FMO4: variants seen among roughly 807,000 people sequenced by gnomAD.
FMO4 encodes flavin containing dimethylaniline monoxygenase 4.
FMO4 carries 38 observed loss-of-function variants against 43.3 expected under a neutral mutation model. That is an observed-to-expected ratio of 0.88 (90% CI 0.68 to 1.15). The LOEUF (loss-of-function observed/expected upper bound fraction) is 1.15. FMO4 is among the 50% of genes most tolerant of loss of function. The probability of loss-of-function intolerance (pLI) is 0.00; values close to 1 mark genes in which losing one functional copy is unlikely to be tolerated. For missense variants in FMO4, 631 were observed against 663.3 expected (o/e 0.95, Z 0.54); for synonymous variants, 224 against 232.2 (o/e 0.96, Z 0.32).
At chr1:171,334,350 C>A in intron 7 of FMO4, 61 bp from the exon 8 acceptor site, 1 of 1,071,054 alleles carries the variant, frequency 9.3e-7, no homozygotes, top group South Asian at 1.6e-5. Flanking sequence ...CTAAGTAAAT[C>A]ATTTGCTGAA....
intron 5 of FMO4, among the ~76,000 whole-genome samples, chr1:171,326,928 T>G (rs45458993): frequency 0.044 from 6,678 of 152,298 alleles, 463 homozygotes; most frequent in African/African-American, 0.15. Context: ...TTATCAAATA[T>G]ATTTCTTTTT....
chr1:171,339,110 T>A (rs1663247131), intron 9 of FMO4, among the ~76,000 whole-genome samples: 1 of 152,172 alleles, frequency 6.6e-6, no homozygotes, highest in Admixed American at 6.5e-5. Context: ...TATGCTCATA[T>A]CTGTGGAAAG....
At chr1:171,318,385 T>C (rs899939716) in intron 2 of FMO4, among the ~76,000 whole-genome samples, 3 of 151,874 alleles carry the variant, frequency 2.0e-5, no homozygotes, top group African/African-American at 7.3e-5. Flanking sequence ...ACATGGTGGC[T>C]CACTCCTGTA....
At chr1:171,322,925 C>A in intron 3 of FMO4, 79 bp from the exon 4 acceptor site, 1 of 1,041,132 alleles carries the variant, frequency 9.6e-7, no homozygotes, top group Non-Finnish European at 1.5e-6. Flanking sequence ...CTCAGTGAGG[C>A]TAGCATGAGC....
intron 6 of FMO4, among the ~76,000 whole-genome samples, chr1:171,332,178 T>C (rs1662928020): frequency 6.6e-6 from 1 of 152,216 alleles, no homozygotes; most frequent in Non-Finnish European, 1.5e-5. Context: ...TTTTCTTGAA[T>C]GTTTCTAAGT....
intron 9 of FMO4, among the ~76,000 whole-genome samples, chr1:171,340,772 C>T (rs989145664): frequency 6.6e-6 from 1 of 152,112 alleles, no homozygotes; most frequent in Non-Finnish European, 1.5e-5. Context: ...TGAGCATTCG[C>T]TGTACACTTT....
Position 171,341,484 on chromosome 1 carries a change from T to C in FMO4, c.1322T>C (p.Ile441Thr), listed in dbSNP as rs1663368951. ...IAYMDDIAAC[I>T]GTKPSIPLLF... ...TACATGGATGATATCGCTGCCTGCATAGGCACAAAGCCCAGCATCCCACTT... is the reference window on the plus strand; with the variant it reads ...TACATGGATGATATCGCTGCCTGCACAGGCACAAAGCCCAGCATCCCACTT... The change falls in exon 10 of 10, where the codon ATA becomes ACA. Residue 441 changes from isoleucine (I) to threonine (T), a missense_variant. Coordinates refer to ENST00000367749, the MANE Select transcript of FMO4 (RefSeq NM_002022.3). 2 of 1,613,824 alleles carry C rather than the reference T, an allele frequency of 1.2e-6. No individual in the cohort carries two copies. The highest frequency in any genetic ancestry group is 1.1e-5 in the South Asian group (1 of 91,086).
At chr1:171,329,586 G>A (rs544028283) in intron 5 of FMO4, among the ~76,000 whole-genome samples, 7 of 152,282 alleles carry the variant, frequency 4.6e-5, no homozygotes, top group Admixed American at 3.3e-4. Context: ...TCCCAGTCAC[G>A]GCCTTACAAG....
chr1:171,321,947 A>C (rs945385404), intron 3 of FMO4, among the ~76,000 whole-genome samples: 1 of 152,230 alleles, frequency 6.6e-6, no homozygotes, highest in Non-Finnish European at 1.5e-5. Context: ...GTGACAGCTA[A>C]GAAAGAGGCT....
chr1:171,337,242 A>T (rs965576734), intron 8 of FMO4, 114 bp from the exon 9 acceptor site: 2 of 755,614 alleles, frequency 2.6e-6, no homozygotes, highest in African/African-American at 3.5e-5. Flanking sequence ...CTGAGCTTTG[A>T]CTATCATGTG....
intron 9 of FMO4, among the ~76,000 whole-genome samples, chr1:171,337,936 C>T (rs1663186774): frequency 6.6e-6 from 1 of 152,192 alleles, no homozygotes; most frequent in South Asian, 2.1e-4. Context: ...GAACTTCAGA[C>T]TCCTAATTCC....
chr1:171,340,457 T>TA (rs780639935), intron 9 of FMO4, among the ~76,000 whole-genome samples: 17 of 152,208 alleles, frequency 1.1e-4, no homozygotes, highest in Non-Finnish European at 2.1e-4. Flanking sequence ...GTGCGCCTGT[T>TA]AGAGTCGTCA....
intron 5 of FMO4, among the ~76,000 whole-genome samples, chr1:171,330,621 G>A (rs769089388): frequency 1.6e-4 from 24 of 152,216 alleles, no homozygotes; most frequent in Admixed American, 3.9e-4. Context: ...ATCATATCTC[G>A]TGAGACTTAT....
chr1:171,323,192 G>A lies in FMO4; in HGVS notation c.321G>A (p.Lys107=), dbSNP rs1001797717. The A allele has an allele frequency of 1.2e-6, 2 of 1,607,866 alleles. No individual in the cohort carries two copies. Among genetic ancestry groups the A allele is most frequent in the Non-Finnish European group, 1.7e-6 (2 of 1,175,574 alleles). Residue 107 remains lysine, a splice_region_variant and synonymous_variant, in exon 4 of 10, where the codon AAG becomes AAA. Coordinates refer to ENST00000367749, the MANE Select transcript of FMO4 (RefSeq NM_002022.3). ...ACCTCCTGAAATACATTCAGTTTAA[G>A]GTAAGATACTTTGGGTTATGGAAGA... is the stretch of plus-strand genomic sequence containing the variant. ...HFDLLKYIQF[K]TTVCSITKRP... is the part of the protein sequence containing the mutation.
intron 5 of FMO4, among the ~76,000 whole-genome samples, chr1:171,328,507 G>A (rs552159663): frequency 1.8e-4 from 28 of 152,140 alleles, no homozygotes; most frequent in Admixed American, 4.6e-4. Flanking sequence ...AAAATTATCC[G>A]GGCATGGTGG....
In FMO4 at chr1:171,324,130, A is replaced by G; in HGVS notation, c.322-8A>G. Reference sequence around the variant, plus strand: ...AGTGAGAAGTGAGTGTTTGTCTTTCACTTTTAGACCACTGTGTGCAGCATA... The same window carrying G: ...AGTGAGAAGTGAGTGTTTGTCTTTCGCTTTTAGACCACTGTGTGCAGCATA... On this transcript the variant is annotated splice_polypyrimidine_tract_variant and splice_region_variant and intron_variant, in intron 4 of 9. Transcript: ENST00000367749. 6.2e-7 allele frequency: 1 copy of G among 1,602,400 alleles called. No individual in the cohort carries two copies. Among genetic ancestry groups the G allele is most frequent in the Non-Finnish European group, 8.5e-7 (1 of 1,174,900 alleles).
chr1:171,327,094 C>A (rs1355358238), intron 5 of FMO4, among the ~76,000 whole-genome samples: 2 of 152,090 alleles, frequency 1.3e-5, no homozygotes, highest in Admixed American at 1.3e-4. Context: ...CAAAGTTGAG[C>A]CCTCCAGTAA....
chr1:171,337,026 A>G (rs901264803), intron 8 of FMO4, among the ~76,000 whole-genome samples: 1 of 152,144 alleles, frequency 6.6e-6, no homozygotes, highest in Middle Eastern at 3.4e-3. Context: ...AATATAAATT[A>G]TATTATTTAT....
chr1:171,340,962 A>G (rs894596178), intron 9 of FMO4, among the ~76,000 whole-genome samples: 1 of 152,152 alleles, frequency 6.6e-6, no homozygotes, highest in Non-Finnish European at 1.5e-5. Flanking sequence ...AATGGAAAAA[A>G]ACATAAAAAG....
Sources: gnomAD v4.1 joint callset for allele counts (sites outside exome capture counted in the v4.1 genomes callset) on GRCh38, gnomAD v4.1.1 for gene constraint, MANE v1.5 for transcripts, NCBI Gene and HGNC (gene_info 2026-07-23, HGNC 2026-07-21) for gene names.